Variants in KALRN observed in about 807,000 individuals in gnomAD.
KALRN encodes kalirin RhoGEF kinase, also known as kalirin.
KALRN carries 70 observed loss-of-function variants against 353.7 expected under a neutral mutation model. The ratio of observed to expected loss-of-function variants is 0.20; its 90% confidence interval spans 0.16 to 0.24. KALRN has a LOEUF of 0.24. Among genes scored for constraint, KALRN ranks in the 10% least tolerant of loss-of-function variants. The pLI is 1.00. For missense variants in KALRN, 2,791 were observed against 3,756.7 expected, an observed-to-expected ratio of 0.74 and a Z score of 6.72; for synonymous variants, 1,391 against 1,434.8, an observed-to-expected ratio of 0.97 and a Z score of 0.69.
intron 13 of KALRN, among the ~76,000 whole-genome samples, chr3:124,401,866 A>C (rs1299010969): frequency 6.6e-6 from 1 of 152,174 alleles, no homozygotes; most frequent in African/African-American, 2.4e-5. Flanking sequence ...AGATTATTCA[A>C]ATACCAGCTA....
chr3:124,369,925 G>C (rs1459963160), intron 10 of KALRN, among the ~76,000 whole-genome samples: 1 of 152,074 alleles, frequency 6.6e-6, no homozygotes, highest in Non-Finnish European at 1.5e-5. Context: ...GTCCATTCAT[G>C]TTGTCAAAAA....
At chr3:124,228,089 T>C in intron 2 of KALRN, 25 bp downstream of exon 2, 1 of 1,577,180 alleles carries the variant, frequency 6.3e-7, no homozygotes, top group Non-Finnish European at 8.7e-7. Flanking sequence ...GACTTTCTTT[T>C]GTAAAGGACC....
chr3:124,231,576 A>G (rs1237806958), intron 2 of KALRN, among the ~76,000 whole-genome samples: 1 of 152,190 alleles, frequency 6.6e-6, no homozygotes, highest in East Asian at 1.9e-4. Flanking sequence ...ATCCTCTACA[A>G]AGAAAACGGG....
At chr3:124,091,128 GA>G (rs1467489138) in intron 1 of KALRN, among the ~76,000 whole-genome samples, 2 of 152,230 alleles carry the variant, frequency 1.3e-5, no homozygotes, top group East Asian at 3.9e-4. Flanking sequence ...CAAGGGGACA[GA>G]AGTGGTGTGG....
intron 12 of KALRN, among the ~76,000 whole-genome samples, chr3:124,396,786 T>C (rs2090213178): frequency 6.6e-6 from 1 of 152,244 alleles, no homozygotes; most frequent in Admixed American, 6.5e-5. Context: ...GGGTGATGCC[T>C]GCTCTGCAAG....
intron 10 of KALRN, among the ~76,000 whole-genome samples, chr3:124,357,100 C>G (rs949179553): frequency 6.6e-6 from 1 of 152,226 alleles, no homozygotes; most frequent in Non-Finnish European, 1.5e-5. Context: ...CTTGCTTGAG[C>G]CAGAAACTTG....
chr3:124,705,659 C>T (rs2062567109), intron 57 of KALRN, among the ~76,000 whole-genome samples: 1 of 152,176 alleles, frequency 6.6e-6, no homozygotes, highest in African/African-American at 2.4e-5. Context: ...CCATCCTTAC[C>T]TGGAGGCCTG....
At chr3:124,213,199 T>A (rs192541972) in intron 1 of KALRN, among the ~76,000 whole-genome samples, 211 of 152,256 alleles carry the variant, frequency 1.4e-3, no homozygotes, top group Non-Finnish European at 2.1e-3. Flanking sequence ...TGGGCTCTAA[T>A]CTCTCTAAAA....
intron 10 of KALRN, among the ~76,000 whole-genome samples, chr3:124,362,827 G>C (rs1320111639): frequency 6.6e-6 from 1 of 152,136 alleles, no homozygotes; most frequent in Non-Finnish European, 1.5e-5. Flanking sequence ...TTTTTCTTTA[G>C]GAGGCTTTGA....
rs1486462505 is a variant in KALRN at position 124,720,022 on chromosome 3, G to T, written c.*552G>T. ...TATTAAATCAATCACAAGTAATTTT[G>T]AGTGCTCCAGTTAAGACAGTAATTT... On this transcript the variant is annotated 3_prime_UTR_variant, in exon 60 of 60. Transcript: ENST00000682506. 6.6e-6 allele frequency: 1 copy of T among 152,452 alleles called. No individual in the cohort carries two copies. Among genetic ancestry groups the T allele is most frequent in the African/African-American group, 2.4e-5 (1 of 41,402 alleles). 9.4% of individuals were successfully genotyped at this position (152,452 alleles called of 1,614,324 possible).
chr3:124,404,149 T>C (rs887374133), intron 13 of KALRN, among the ~76,000 whole-genome samples: 3 of 10,754 alleles, frequency 2.8e-4, no homozygotes, highest in African/African-American at 1.4e-3. Flanking sequence ...TGTTCTGCTC[T>C]CTGGAAAAAA....
Position 124,334,275 on chromosome 3 carries a change from A to G in KALRN, c.1427A>G (p.Asp476Gly), listed in dbSNP as rs544049520. 6.2e-7 allele frequency: 1 copy of G among 1,614,178 alleles called. No individual in the cohort carries two copies. The highest frequency in any genetic ancestry group is 2.2e-5 in the East Asian group (1 of 44,888). ...CTCTCTTTCCTGCAGGTCAGCCAGGATGGCAAAGCACTACTTGATGTGCTG... is the reference window on the plus strand; with the variant it reads ...CTCTCTTTCCTGCAGGTCAGCCAGGGTGGCAAAGCACTACTTGATGTGCTG... Reference protein sequence around the residue: ...VTQAYTEVSQDGKALLDVLQR... With the variant: ...VTQAYTEVSQGGKALLDVLQR... The change falls in exon 9 of 60, where the codon GAT (aspartate) becomes GGT (glycine). Residue 476 changes from aspartate to glycine, a missense_variant. Coordinates refer to ENST00000682506, the MANE Select transcript of KALRN (RefSeq NM_001388419.1). This position sits in a 1 kb window ranked among gnomAD's most constrained non-coding sequence, Gnocchi z 4.2.
Position 124,174,624 on chromosome 3 carries a change from C to T in KALRN, c.74-53366C>T, listed in dbSNP as rs565578586. ...GGCAAGGTGCCCAGAAGTCCTTAAT[C>T]GCATCTGTCTCCCAGGAGGAGGGCA... On this transcript the variant is annotated intron_variant, in intron 1 of 59. Transcript: ENST00000682506. 5.9e-5 allele frequency among the ~76,000 whole-genome samples: 9 copies of T among 152,296 alleles called. 1 individual carries two copies. The highest frequency in any genetic ancestry group is 4.6e-4 in the Admixed American group (7 of 15,298).
chr3:124,678,831 G>A (rs914661880), intron 50 of KALRN, among the ~76,000 whole-genome samples: 2 of 152,078 alleles, frequency 1.3e-5, no homozygotes, highest in East Asian at 3.9e-4. Flanking sequence ...ACAGTAGGGG[G>A]GCACATTGGT....
chr3:124,671,591 A>G, intron 47 of KALRN, 69 bp from the exon 48 acceptor site: 1 of 1,067,332 alleles, frequency 9.4e-7, no homozygotes, highest in Admixed American at 1.8e-5. Flanking sequence ...AAAGCCTTGG[A>G]CCTAAGAGGC....
At chr3:124,402,178 A>C (rs1317259197) in intron 13 of KALRN, among the ~76,000 whole-genome samples, 2 of 152,232 alleles carry the variant, frequency 1.3e-5, no homozygotes, top group Admixed American at 1.3e-4. Context: ...TTAGGATAGC[A>C]CATGAGCTGC....
chr3:124,502,683 G>T (rs1057376643), intron 33 of KALRN, among the ~76,000 whole-genome samples: 1 of 152,122 alleles, frequency 6.6e-6, no homozygotes, highest in Non-Finnish European at 1.5e-5. Flanking sequence ...ATATGAAAGA[G>T]CACAGAAGAC....
chr3:124,554,644 C>T (rs905992134), intron 33 of KALRN, among the ~76,000 whole-genome samples: 1 of 151,962 alleles, frequency 6.6e-6, no homozygotes, highest in South Asian at 2.1e-4. Flanking sequence ...CCTCTGAGTT[C>T]CTGGTCCTTT....
intron 1 of KALRN, among the ~76,000 whole-genome samples, chr3:124,041,843 G>C (rs573191175): frequency 1.3e-5 from 2 of 152,296 alleles, no homozygotes; most frequent in Non-Finnish European, 2.9e-5. Flanking sequence ...AATTGTGTCT[G>C]CCTAGGAGCG....
Sources: allele counts gnomAD v4.1 joint callset (sites outside exome capture counted in the v4.1 genomes callset), GRCh38; gene constraint gnomAD v4.1.1; non-coding constraint Gnocchi (gnomAD v3.1); transcripts MANE v1.5; gene names NCBI Gene and HGNC (gene_info 2026-07-23, HGNC 2026-07-21).